PTPRG: variants seen among roughly 807,000 people sequenced by gnomAD.
The protein encoded by PTPRG is receptor-type tyrosine-protein phosphatase gamma.
In PTPRG, 102 loss-of-function variants were observed where a neutral mutation model predicts 165.3. The observed-to-expected ratio is 0.62, with a 90% CI of 0.53 to 0.73. The LOEUF is 0.73. Among genes scored for constraint, PTPRG ranks in the 30% least tolerant of loss-of-function variants. The pLI is 0.00. For synonymous variants in PTPRG, 675 were observed against 669.5 expected, an observed-to-expected ratio of 1.01 and a Z score of -0.13; for missense variants, 1,866 against 1,861.4, an observed-to-expected ratio of 1.00 and a Z score of -0.05.
At position 61,711,482 on chromosome 3, in the gene PTPRG, A is replaced by G. The variant is rs141912058; in HGVS notation, c.86-37396A>G. Among the ~76,000 whole-genome samples, 1,284 of 152,320 alleles carry G rather than the reference A, an allele frequency of 8.4e-3. 12 individuals are homozygous for G. Among genetic ancestry groups the G allele is most frequent in the African/African-American group, 0.029 (1,194 of 41,578 alleles). On this transcript the variant is annotated intron_variant, in intron 1 of 29. Coordinates refer to ENST00000474889, the MANE Select transcript of PTPRG (RefSeq NM_002841.4). The stretch of plus-strand genomic sequence containing the variant: ...GCCATTCTAACTGGTTTGAAATGGT[A>G]TCTCATTGTGGTTTTGATTTGCATT...
chr3:62,166,113 G>A (rs1704965203), intron 7 of PTPRG, among the ~76,000 whole-genome samples: 1 of 148,322 alleles, frequency 6.7e-6, no homozygotes, highest in African/African-American at 2.5e-5. Context: ...AGATGGGCCA[G>A]AAACAGTTCA....
At chr3:61,755,414 A>T (rs377081758) in intron 2 of PTPRG, among the ~76,000 whole-genome samples, 7 of 152,234 alleles carry the variant, frequency 4.6e-5, no homozygotes, top group African/African-American at 1.7e-4. Flanking sequence ...CTTGGTGCTT[A>T]GCCTGACCCA....
intron 2 of PTPRG, among the ~76,000 whole-genome samples, chr3:61,981,255 C>A (rs866084567): frequency 1.3e-5 from 2 of 152,174 alleles, no homozygotes; most frequent in African/African-American, 4.8e-5. Flanking sequence ...TCCACCTAGT[C>A]GCTTCCATGA....
chr3:62,293,408 CT>C lies in PTPRG; in HGVS notation c.*107del. 9.9e-7 allele frequency: 1 copy of C among 1,011,316 alleles called. No homozygotes were observed. The highest frequency in any genetic ancestry group is 1.4e-6 in the Non-Finnish European group (1 of 723,136). The allele number at this position is 1,011,316 out of a possible 1,614,324, so 62.6% of individuals were successfully genotyped here. On this transcript the variant is annotated 3_prime_UTR_variant, in exon 30 of 30. Coordinates refer to ENST00000474889, the MANE Select transcript of PTPRG (RefSeq NM_002841.4). ...TCTAGGTTATACAATAACCCAGTTA[CT>C]TTTTTACACTGATAAAAGTTTTGAT... is the stretch of plus-strand genomic sequence containing the variant.
chr3:61,965,859 T>A (rs902277728), intron 2 of PTPRG, among the ~76,000 whole-genome samples: 1 of 152,194 alleles, frequency 6.6e-6, no homozygotes, highest in African/African-American at 2.4e-5. Flanking sequence ...AAAAGTGGGA[T>A]TCTGTGGTCT....
chr3:62,075,616 G>A (rs1252242951), intron 4 of PTPRG, among the ~76,000 whole-genome samples: 1 of 152,132 alleles, frequency 6.6e-6, no homozygotes, highest in African/African-American at 2.4e-5. Context: ...ATTTTCCTAG[G>A]AAGTGTCCTG....
chr3:62,233,925 A>C lies in PTPRG; in HGVS notation c.2375+2614A>C, dbSNP rs369360188. On this transcript the variant is annotated intron_variant, in intron 14 of 29. Coordinates refer to ENST00000474889, the MANE Select transcript of PTPRG (RefSeq NM_002841.4). The surrounding 1 kb of genome is among the most constrained non-coding windows in gnomAD (Gnocchi z 4.7). Reference sequence around the variant, plus strand: ...ATTCAAAATAAAAAAGTTTAAAATTATATGCACCACTAAATTACCATCCCA... The same window carrying C: ...ATTCAAAATAAAAAAGTTTAAAATTCTATGCACCACTAAATTACCATCCCA... 6.6e-5 allele frequency among the ~76,000 whole-genome samples: 10 copies of C among 152,336 alleles called. No individual in the cohort carries two copies. Among genetic ancestry groups the C allele is most frequent in the African/African-American group, 2.2e-4 (9 of 41,578 alleles).
intron 7 of PTPRG, among the ~76,000 whole-genome samples, chr3:62,161,574 A>G (rs892966836): frequency 2.6e-5 from 4 of 152,190 alleles, no homozygotes; most frequent in African/African-American, 9.7e-5. Flanking sequence ...ATGTGAATGA[A>G]GGAGGTTTTT....
In PTPRG at chr3:61,978,771, A is replaced by T. The variant is rs547783559; in HGVS notation, c.191-10854A>T. Among the ~76,000 whole-genome samples, 6 of 152,312 alleles carry T rather than the reference A, an allele frequency of 3.9e-5. No individual in the cohort carries two copies. In the East Asian group the frequency reaches 1.2e-3, roughly 29 times the overall value. On this transcript the variant is annotated intron_variant, in intron 2 of 29. Coordinates refer to ENST00000474889, the MANE Select transcript of PTPRG (RefSeq NM_002841.4). ...TCTCTTTTAAAACTACTCAAATCTG[A>T]TCTTTAGACAATATATGAATGAACG... is the stretch of plus-strand genomic sequence containing the variant.
intron 6 of PTPRG, among the ~76,000 whole-genome samples, chr3:62,140,379 A>C (rs116368311): frequency 0.01 from 1,546 of 152,360 alleles, 20 homozygotes; most frequent in South Asian, 0.021. Flanking sequence ...GTGGGAACAC[A>C]GATATAGAAG....
rs1699794422 is a variant in PTPRG, at chr3:62,190,928, T to C, written c.1034-541T>C. ...GTATTGAATTCATGTTTAGTTTCTT[T>C]CATGTGAAACTGGTATTATGGTTAC... On this transcript the variant is annotated intron_variant, in intron 8 of 29. Transcript: ENST00000474889. The surrounding 1 kb of genome is among the most constrained non-coding windows in gnomAD (Gnocchi z 5.2). Among the ~76,000 whole-genome samples, 1 of 152,232 alleles carries C rather than the reference T, an allele frequency of 6.6e-6. No homozygotes were observed. Among genetic ancestry groups the C allele is most frequent in the Non-Finnish European group, 1.5e-5 (1 of 68,034 alleles).
chr3:61,891,318 A>C (rs1356756839), intron 2 of PTPRG, among the ~76,000 whole-genome samples: 1 of 152,094 alleles, frequency 6.6e-6, no homozygotes, highest in Admixed American at 6.6e-5. Flanking sequence ...AATACAAATA[A>C]AAATAAACTT....
chr3:62,034,063 G>T (rs1699863092), intron 4 of PTPRG, among the ~76,000 whole-genome samples: 1 of 152,196 alleles, frequency 6.6e-6, no homozygotes, highest in Admixed American at 6.5e-5. Flanking sequence ...ACTGAGCCCG[G>T]CCAGCTGATG....
intron 5 of PTPRG, among the ~76,000 whole-genome samples, chr3:62,115,883 C>T (rs1233802534): frequency 6.6e-6 from 1 of 152,086 alleles, no homozygotes; most frequent in East Asian, 1.9e-4. Context: ...ACAAGGGTTG[C>T]TCAAAAAATA....
At chr3:62,223,718 G>A (rs1366577993) in intron 13 of PTPRG, among the ~76,000 whole-genome samples, 3 of 152,126 alleles carry the variant, frequency 2.0e-5, no homozygotes, top group Admixed American at 6.6e-5. Context: ...TACCAGATCT[G>A]ACTTTAGGGA....
Position 62,254,571 on chromosome 3 carries a change from A to T in PTPRG, c.2468-553A>T, listed in dbSNP as rs1189412079. On this transcript the variant is annotated intron_variant, in intron 15 of 29. Coordinates refer to ENST00000474889, the MANE Select transcript of PTPRG (RefSeq NM_002841.4). The surrounding 1 kb of genome is among the most constrained non-coding windows in gnomAD (Gnocchi z 4.6). ...TGTAGACACAGCTGTCTTGAGCTAA[A>T]ATTTTGAACACTTAAAGATAGATGG... 3.3e-5 allele frequency among the ~76,000 whole-genome samples: 5 copies of T among 152,150 alleles called. No individual in the cohort carries two copies. The highest frequency in any genetic ancestry group is 4.4e-5 in the Non-Finnish European group (3 of 68,028).
intron 1 of PTPRG, among the ~76,000 whole-genome samples, chr3:61,677,482 TTAAC>T (rs1022505328): frequency 1.1e-4 from 16 of 152,196 alleles, no homozygotes; most frequent in African/African-American, 2.9e-4. Context: ...GACATGTTAA[TTAAC>T]CCTTTCAGTG....
chr3:61,750,023 T>C (rs1002188129), intron 2 of PTPRG: 3 of 152,244 alleles, frequency 2.0e-5, no homozygotes, highest in African/African-American at 7.2e-5. Context: ...CTTTTGTCTA[T>C]TGATAAATCT....
At chr3:61,979,586 A>T (rs1313568185) in intron 2 of PTPRG, among the ~76,000 whole-genome samples, 1 of 151,952 alleles carries the variant, frequency 6.6e-6, no homozygotes, top group African/African-American at 2.4e-5. Context: ...AATCCCTCTA[A>T]TTTTTTTCCT....
Sources: allele counts gnomAD v4.1 joint callset (sites outside exome capture counted in the v4.1 genomes callset), GRCh38; gene constraint gnomAD v4.1.1; non-coding constraint Gnocchi (gnomAD v3.1); transcripts MANE v1.5; gene names NCBI Gene and HGNC (gene_info 2026-07-23, HGNC 2026-07-21).